Variants in WIPF1 observed in about 807,000 individuals in gnomAD.
WIPF1 encodes WAS/WASL interacting protein family member 1.
WIPF1 carries 13 observed loss-of-function variants against 35.4 expected under a neutral mutation model. That is an observed-to-expected ratio of 0.37 (90% CI 0.24 to 0.58). WIPF1 has a LOEUF of 0.58. Ranked by LOEUF, WIPF1 falls within the 20% of genes least tolerant of loss-of-function variation. The pLI, the probability that WIPF1 is intolerant of heterozygous loss-of-function variation, is 0.74. For missense variants in WIPF1, 591 were observed against 667.0 expected (o/e 0.89, Z 1.25); for synonymous variants, 267 against 266.3 (o/e 1.00, Z -0.02).
rs373531165 is a variant in WIPF1, at chr2:174,572,089, G to A, written c.716C>T (p.Pro239Leu). ...ALGGGSIRQS[P>L]LSSSSPFSNR... ...GGAGAAGGGCGAGGAGGAGCTCAAGGGGGACTGACGTATTGAGCCTCCTCC... is the reference window on the plus strand; with the variant it reads ...GGAGAAGGGCGAGGAGGAGCTCAAGAGGGACTGACGTATTGAGCCTCCTCC... Residue 239 changes from proline to leucine, a missense_variant, in exon 5 of 8, where the codon CCC becomes CTC. Physicochemically the swap from Pro to Leu is moderately conservative, Grantham distance 98 (BLOSUM62 -3). Transcript: ENST00000679041. The A allele has an allele frequency of 6.3e-7, 1 of 1,582,856 alleles. No individual in the cohort carries two copies. Among genetic ancestry groups the A allele is most frequent in the Non-Finnish European group, 8.6e-7 (1 of 1,165,356 alleles).
At chr2:174,681,700 G>A (rs1033270377) in intron 1 of WIPF1, among the ~76,000 whole-genome samples, 1 of 152,130 alleles carries the variant, frequency 6.6e-6, no homozygotes, top group Non-Finnish European at 1.5e-5. Context: ...GTGGGGTGGG[G>A]TCCAGAGACG....
In WIPF1 at chr2:174,572,032, C is replaced by G; in HGVS notation, c.773G>C (p.Arg258Thr). ...NRPPLPPTPS[R>T]ALDDKPPPPP... is the part of the protein sequence containing the mutation. ...TGGAGGGGGTTTGTCATCCAAGGCCCTGCTGGGGGTAGGCGGCAGGGGAGG... is the reference window on the plus strand; with the variant it reads ...TGGAGGGGGTTTGTCATCCAAGGCCGTGCTGGGGGTAGGCGGCAGGGGAGG... The change falls in exon 5 of 8, where the codon AGG becomes ACG. Residue 258 changes from arginine (R) to threonine (T), a missense_variant. Arg to Thr is a moderately conservative substitution (Grantham distance 71). Around this residue, in one of 3 missense-constraint regions of WIPF1, gnomAD observed 471 missense variants for 501.1 expected, o/e 0.94. Coordinates refer to ENST00000679041, the MANE Select transcript of WIPF1 (RefSeq NM_001375834.1). 6.5e-7 allele frequency: 1 copy of G among 1,548,670 alleles called. No homozygotes were observed.
chr2:174,675,829 G>A (rs1454266566), intron 1 of WIPF1, among the ~76,000 whole-genome samples: 1 of 151,478 alleles, frequency 6.6e-6, no homozygotes, highest in Non-Finnish European at 1.5e-5. Flanking sequence ...GTGTGGGGTG[G>A]AGGCGGGGGT....
chr2:174,574,416 G>T (rs1193129541), intron 4 of WIPF1, among the ~76,000 whole-genome samples: 1 of 152,182 alleles, frequency 6.6e-6, no homozygotes, highest in Non-Finnish European at 1.5e-5. Flanking sequence ...TAACCCTGAG[G>T]ATTCAGTGAT....
intron 2 of WIPF1, among the ~76,000 whole-genome samples, chr2:174,582,297 G>A (rs1016133306): frequency 5.3e-5 from 8 of 152,194 alleles, no homozygotes; most frequent in Non-Finnish European, 1.2e-4. Flanking sequence ...TTCCTTCAGG[G>A]AGTTGGGGAC....
At chr2:174,564,315 T>C (rs192245849) in intron 7 of WIPF1, among the ~76,000 whole-genome samples, 58 of 152,318 alleles carry the variant, frequency 3.8e-4, no homozygotes, top group African/African-American at 1.3e-3. Flanking sequence ...GGAAATTAAT[T>C]CACCAATTTA....
chr2:174,581,569 A>G (rs1685243086), intron 2 of WIPF1, 130 bp from the exon 3 acceptor site: 3 of 1,229,610 alleles, frequency 2.4e-6, no homozygotes, highest in Admixed American at 5.4e-5. Flanking sequence ...TAAATTCTCG[A>G]CAAGTTTTAG....
intron 1 of WIPF1, among the ~76,000 whole-genome samples, chr2:174,610,911 C>T (rs763063845): frequency 4.6e-5 from 7 of 152,158 alleles, no homozygotes; most frequent in Non-Finnish European, 1.0e-4. Flanking sequence ...CTCAACCTCC[C>T]GGCCCTCTTC....
At chr2:174,632,404 G>C (rs957770436) in intron 1 of WIPF1, among the ~76,000 whole-genome samples, 1 of 152,162 alleles carries the variant, frequency 6.6e-6, no homozygotes, top group Non-Finnish European at 1.5e-5. Context: ...TTGGAAGGAT[G>C]CATTTACAAA....
At chr2:174,669,730 G>T (rs1057100259) in intron 1 of WIPF1, among the ~76,000 whole-genome samples, 5 of 152,272 alleles carry the variant, frequency 3.3e-5, no homozygotes, top group Admixed American at 6.5e-5. Flanking sequence ...AAAAATGTTA[G>T]TCGAGCATGG....
At chr2:174,599,606 G>A (rs77297087), upstream of WIPF1, among the ~76,000 whole-genome samples, 64 of 152,266 alleles carry the variant, frequency 4.2e-4, no homozygotes, top group East Asian at 0.012. Context: ...CACTTCCCGC[G>A]ATACAAACCC....
At chr2:174,632,118 T>C (rs1439593985) in intron 1 of WIPF1, among the ~76,000 whole-genome samples, 1 of 152,190 alleles carries the variant, frequency 6.6e-6, no homozygotes, top group Non-Finnish European at 1.5e-5. Context: ...AACTCAGTAT[T>C]CAACTTGGCA....
chr2:174,630,899 G>A (rs1341515182), intron 1 of WIPF1, among the ~76,000 whole-genome samples: 2 of 152,090 alleles, frequency 1.3e-5, no homozygotes, highest in Non-Finnish European at 2.9e-5. Flanking sequence ...CCTTTTCCTG[G>A]GACAACAGCC....
At chr2:174,672,842 T>G (rs1688048940) in intron 1 of WIPF1, among the ~76,000 whole-genome samples, 1 of 152,238 alleles carries the variant, frequency 6.6e-6, no homozygotes. Flanking sequence ...GGTGAACTCC[T>G]CATTTACTGC....
rs976211225 is a variant in WIPF1, at chr2:174,622,568, C to T, written c.-38-36957G>A. 1.3e-5 allele frequency among the ~76,000 whole-genome samples: 2 copies of T among 152,116 alleles called. No individual in the cohort carries two copies. Among genetic ancestry groups the T allele is most frequent in the Non-Finnish European group, 2.9e-5 (2 of 68,016 alleles). On this transcript the variant is annotated intron_variant, in intron 1 of 8. Coordinates refer to the WIPF1 transcript ENST00000272746. This position sits in a 1 kb window ranked among gnomAD's most constrained non-coding sequence, Gnocchi z 5.1. ...ACACTATAGGATCCCCTCTCTATGC[C>T]GCCAGTGCTCCGTGGGGTGCGCCTA...
chr2:174,632,738 A>C (rs942891232), intron 1 of WIPF1, among the ~76,000 whole-genome samples: 1 of 134,706 alleles, frequency 7.4e-6, no homozygotes, highest in Admixed American at 7.5e-5. Flanking sequence ...AAAAAAAAAG[A>C]CATCAGGCCC....
intron 7 of WIPF1, 36 bp downstream of exon 7, chr2:174,567,034 G>A: frequency 6.3e-7 from 1 of 1,597,118 alleles, no homozygotes; most frequent in Non-Finnish European, 8.6e-7. Context: ...GGCTACTCAA[G>A]CGTGAATCTT....
Position 174,585,506 on chromosome 2 carries a change from G to C in WIPF1, c.51+17C>G, listed in dbSNP as rs1300280311. 1 of 1,612,350 alleles carries C rather than the reference G, an allele frequency of 6.2e-7. No individual in the cohort carries two copies. Among genetic ancestry groups the C allele is most frequent in the South Asian group, 1.1e-5 (1 of 90,976 alleles). ...CTTGCTTTATGCATAGAAAGTGTTT[G>C]GGGAGGAGACACTCACCAGTGCAAA... On this transcript the variant is annotated intron_variant, in intron 2 of 7. Transcript: ENST00000679041.
At chr2:174,668,342 C>CA (rs1316074773) in intron 1 of WIPF1, among the ~76,000 whole-genome samples, 1 of 152,134 alleles carries the variant, frequency 6.6e-6, no homozygotes, top group East Asian at 1.9e-4. Context: ...CAAGGTTGGG[C>CA]AAAATGATCT....
Sources: allele counts gnomAD v4.1 joint callset (sites outside exome capture counted in the v4.1 genomes callset), GRCh38; gene constraint gnomAD v4.1.1; regional missense constraint gnomAD v4.1.1; non-coding constraint Gnocchi (gnomAD v3.1); transcripts MANE v1.5; gene names NCBI Gene and HGNC (gene_info 2026-07-23, HGNC 2026-07-21).